The following CHCHD3 variants were observed in gnomAD, a reference collection of about 807,000 sequenced individuals.
CHCHD3 encodes coiled-coil-helix-coiled-coil-helix domain containing 3.
Under a neutral mutation model 38.2 loss-of-function variants are expected in CHCHD3, and 20 were observed. The ratio of observed to expected loss-of-function variants is 0.52; its 90% CI spans 0.37 to 0.76. CHCHD3 has a LOEUF of 0.76. Ranked by LOEUF, CHCHD3 falls within the 30% of genes least tolerant of loss-of-function variation. The pLI is 0.00. For synonymous variants in CHCHD3, 82 were observed against 100.0 expected, an observed-to-expected ratio of 0.82 and a Z score of 1.07; for missense variants, 245 against 279.2, an observed-to-expected ratio of 0.88 and a Z score of 0.87.
chr7:132,796,935 G>A (rs970785911), intron 6 of CHCHD3, among the ~76,000 whole-genome samples: 17 of 152,094 alleles, frequency 1.1e-4, no homozygotes, highest in Middle Eastern at 3.4e-3. Context: ...AGATCCCTAC[G>A]GCCTGGTCCT....
intron 5 of CHCHD3, among the ~76,000 whole-genome samples, chr7:132,867,380 A>G (rs6962557): frequency 0.22 from 33,107 of 152,180 alleles, 3,857 homozygotes; most frequent in South Asian, 0.26. Flanking sequence ...AAAAGGTATT[A>G]CTTTTTAAAG....
At chr7:132,825,934 G>T (rs1385935020) in intron 6 of CHCHD3, among the ~76,000 whole-genome samples, 1 of 152,192 alleles carries the variant, frequency 6.6e-6, no homozygotes, top group Non-Finnish European at 1.5e-5. Context: ...CATAAAGCAG[G>T]CCAAGCAAGC....
chr7:132,786,443 T>C (rs759694275), intron 7 of CHCHD3, among the ~76,000 whole-genome samples: 6 of 152,228 alleles, frequency 3.9e-5, no homozygotes, highest in South Asian at 2.1e-4. Context: ...CCCTACATTC[T>C]ATTTAGTTAT....
intron 4 of CHCHD3, among the ~76,000 whole-genome samples, chr7:132,913,478 A>G (rs1286588331): frequency 6.6e-6 from 1 of 152,196 alleles, no homozygotes; most frequent in Non-Finnish European, 1.5e-5. Context: ...TCCCCCAGGC[A>G]GAGGGAATAG....
intron 2 of CHCHD3, among the ~76,000 whole-genome samples, chr7:133,048,162 C>G (rs1374026635): frequency 6.6e-6 from 1 of 151,930 alleles, no homozygotes; most frequent in Non-Finnish European, 1.5e-5. Context: ...AAAATACCTA[C>G]TCAGACAGAA....
intron 6 of CHCHD3, among the ~76,000 whole-genome samples, chr7:132,832,535 G>A (rs1246507127): frequency 2.0e-5 from 3 of 151,864 alleles, no homozygotes; most frequent in Non-Finnish European, 2.9e-5. Context: ...ATAGAAACTC[G>A]CCACTTCATT....
In CHCHD3 at chr7:133,035,118, T is replaced by G; in HGVS notation, c.170-10491A>C. The G allele has an allele frequency of 6.2e-7, 1 of 1,613,688 alleles. No individual in the cohort carries two copies. The highest frequency in any genetic ancestry group is 8.5e-7 in the Non-Finnish European group (1 of 1,179,704). ...GGCCTTGGGCTCAGCAGCCAGCGCC[T>G]GCTCACATTCATCCATCTCCTCCTC... On this transcript the variant is annotated intron_variant, in intron 2 of 7. Transcript: ENST00000262570. This position sits in a 1 kb window ranked among gnomAD's most constrained non-coding sequence, Gnocchi z 4.7.
chr7:133,062,825 A>G (rs1814556237), intron 2 of CHCHD3, among the ~76,000 whole-genome samples: 1 of 152,184 alleles, frequency 6.6e-6, no homozygotes, highest in African/African-American at 2.4e-5. Flanking sequence ...ACTTGATTTC[A>G]TACCACCTAG....
intron 6 of CHCHD3, among the ~76,000 whole-genome samples, chr7:132,821,988 T>G (rs1807390488): frequency 6.6e-6 from 1 of 152,158 alleles, no homozygotes; most frequent in Non-Finnish European, 1.5e-5. Flanking sequence ...GGTCTCGATC[T>G]CCTGACCTCA....
chr7:133,063,836 T>C (rs1437963071), intron 2 of CHCHD3, among the ~76,000 whole-genome samples: 1 of 152,150 alleles, frequency 6.6e-6, no homozygotes, highest in African/African-American at 2.4e-5. Flanking sequence ...GACTTCAACC[T>C]ACCCACCCAT....
chr7:132,867,030 T>A (rs1808650829), intron 5 of CHCHD3, among the ~76,000 whole-genome samples: 1 of 152,086 alleles, frequency 6.6e-6, no homozygotes, highest in Non-Finnish European at 1.5e-5. Flanking sequence ...ATACCATCAT[T>A]TTCTCTCCTC....
intron 6 of CHCHD3, among the ~76,000 whole-genome samples, chr7:132,796,852 T>C (rs1806631062): frequency 6.6e-6 from 1 of 152,088 alleles, no homozygotes; most frequent in South Asian, 2.1e-4. Context: ...ACCGAAACCA[T>C]ATCAACATGC....
intron 4 of CHCHD3, among the ~76,000 whole-genome samples, chr7:132,923,736 C>T (rs1403383057): frequency 6.6e-6 from 1 of 151,922 alleles, no homozygotes; most frequent in African/African-American, 2.4e-5. Context: ...GAAGATAGAC[C>T]CCACCACCAA....
chr7:132,861,811 A>C (rs1301320985), intron 5 of CHCHD3, among the ~76,000 whole-genome samples: 1 of 142,444 alleles, frequency 7.0e-6, no homozygotes, highest in African/African-American at 2.6e-5. Flanking sequence ...TATTCTTTTG[A>C]ATTTTTTCCC....
intron 4 of CHCHD3, among the ~76,000 whole-genome samples, chr7:132,891,390 G>A (rs1230511795): frequency 2.0e-5 from 3 of 152,174 alleles, no homozygotes; most frequent in Non-Finnish European, 4.4e-5. Flanking sequence ...AGCTGGAAAT[G>A]TTAAACTGCA....
intron 5 of CHCHD3, among the ~76,000 whole-genome samples, chr7:132,851,844 G>A (rs984975438): frequency 1.6e-4 from 24 of 152,196 alleles, no homozygotes; most frequent in African/African-American, 5.3e-4. Context: ...TATACAGAAC[G>A]TGTCACATTC....
intron 4 of CHCHD3, among the ~76,000 whole-genome samples, chr7:132,903,321 A>G (rs1410842651): frequency 6.7e-6 from 1 of 149,424 alleles, no homozygotes; most frequent in African/African-American, 2.4e-5. Flanking sequence ...TATTCTTTTT[A>G]GTTGTTATAT....
chr7:133,058,104 C>A (rs975912193), intron 2 of CHCHD3, among the ~76,000 whole-genome samples: 1 of 152,094 alleles, frequency 6.6e-6, no homozygotes, highest in Non-Finnish European at 1.5e-5. Context: ...TGCTGTCCCA[C>A]AAAATTAAAC....
intron 4 of CHCHD3, among the ~76,000 whole-genome samples, chr7:132,958,543 C>G (rs557392255): frequency 6.1e-4 from 93 of 152,214 alleles, no homozygotes; most frequent in African/African-American, 2.1e-3. Flanking sequence ...ACACTGTAAA[C>G]ATGTCTCATG....
Sources: allele counts gnomAD v4.1 joint callset (sites outside exome capture counted in the v4.1 genomes callset), GRCh38; gene constraint gnomAD v4.1.1; non-coding constraint Gnocchi (gnomAD v3.1); transcripts MANE v1.5; gene names NCBI Gene and HGNC (gene_info 2026-07-23, HGNC 2026-07-21).